The following DAP variants were observed in gnomAD, a reference collection of about 807,000 sequenced individuals.
DAP encodes death associated protein.
Under a neutral mutation model 13.8 loss-of-function variants are expected in DAP, and 8 were observed. The observed-to-expected ratio is 0.58, with a 90% CI of 0.34 to 1.05. The LOEUF (loss-of-function observed/expected upper bound fraction) is 1.05. Among genes scored for constraint, DAP ranks in the 50% least tolerant of loss-of-function variants. DAP has a pLI of 0.03. For synonymous variants in DAP, 47 were observed against 47.5 expected (o/e 0.99, Z 0.04); for missense variants, 106 against 133.2 (o/e 0.80, Z 1.01).
chr5:10,695,215 C>G (rs1204558971), intron 2 of DAP, among the ~76,000 whole-genome samples: 2 of 152,228 alleles, frequency 1.3e-5, no homozygotes. Flanking sequence ...GGCTTCAGCA[C>G]TGACAACATT....
At chr5:10,693,558 T>C (rs979367302) in intron 2 of DAP, among the ~76,000 whole-genome samples, 1 of 152,252 alleles carries the variant, frequency 6.6e-6, no homozygotes, top group Non-Finnish European at 1.5e-5. Context: ...AGGCAGGAAC[T>C]GTCCATTTCA....
At chr5:10,704,434 C>T (rs1242466001) in intron 2 of DAP, among the ~76,000 whole-genome samples, 3 of 152,124 alleles carry the variant, frequency 2.0e-5, no homozygotes, top group African/African-American at 7.2e-5. Context: ...ACTTTCCGCT[C>T]ACCACTTCCT....
chr5:10,715,783 C>A (rs924076311), intron 2 of DAP, among the ~76,000 whole-genome samples: 4 of 152,192 alleles, frequency 2.6e-5, no homozygotes, highest in South Asian at 2.1e-4. Context: ...ATCATTCATG[C>A]CCCCTGGCCC....
chr5:10,750,410 A>C (rs988683787), intron 1 of DAP, among the ~76,000 whole-genome samples: 2 of 152,228 alleles, frequency 1.3e-5, no homozygotes, highest in East Asian at 3.9e-4. Flanking sequence ...AAAAGGGCAA[A>C]AGAGAGCAAG....
chr5:10,709,847 G>C (rs1253239623), intron 2 of DAP, among the ~76,000 whole-genome samples: 1 of 152,232 alleles, frequency 6.6e-6, no homozygotes, highest in Non-Finnish European at 1.5e-5. Context: ...GGGCACTGCA[G>C]CCCTTCTTGT....
At chr5:10,749,346 A>C (rs186687794) in intron 1 of DAP, among the ~76,000 whole-genome samples, 2 of 152,230 alleles carry the variant, frequency 1.3e-5, no homozygotes, top group African/African-American at 4.8e-5. Flanking sequence ...CTGCCAGGCC[A>C]CATGGTGCCT....
intron 3 of DAP, chr5:10,683,049 T>C (rs1215532440): frequency 4.8e-6 from 1 of 208,862 alleles, no homozygotes; most frequent in Non-Finnish European, 9.6e-6. Flanking sequence ...CAACTGTGGG[T>C]GTGGCCAGGG....
chr5:10,694,452 G>A (rs1224154446), intron 2 of DAP, among the ~76,000 whole-genome samples: 1 of 152,058 alleles, frequency 6.6e-6, no homozygotes, highest in Admixed American at 6.5e-5. Flanking sequence ...AAACAGGGTC[G>A]AAACACAGTT....
intron 1 of DAP, among the ~76,000 whole-genome samples, chr5:10,759,744 CTTTTTTTTTTT>C (rs1169454640): frequency 3.4e-5 from 3 of 88,202 alleles, no homozygotes; most frequent in African/African-American, 4.5e-5. Context: ...TAATGGGAAT[CTTTTTTTTTTT>C]TTTTTTTTTT....
chr5:10,688,026 A>T (rs1161931863), intron 2 of DAP, among the ~76,000 whole-genome samples: 1 of 149,402 alleles, frequency 6.7e-6, no homozygotes, highest in Non-Finnish European at 1.5e-5. Context: ...AGTGATTCTC[A>T]TGCCTCAGCC....
At chr5:10,696,851 T>C (rs1738450062) in intron 2 of DAP, among the ~76,000 whole-genome samples, 1 of 152,154 alleles carries the variant, frequency 6.6e-6, no homozygotes, top group South Asian at 2.1e-4. Context: ...GGCGCAGGGT[T>C]TCAGGGCATT....
chr5:10,688,554 T>A (rs1357843634), intron 2 of DAP, among the ~76,000 whole-genome samples: 1 of 152,186 alleles, frequency 6.6e-6, no homozygotes. Context: ...GACCCTGCAA[T>A]ATCTCTGAGG....
At chr5:10,760,630 CT>C (rs1740318145) in intron 1 of DAP, among the ~76,000 whole-genome samples, 17 of 152,250 alleles carry the variant, frequency 1.1e-4, no homozygotes, top group Admixed American at 1.1e-3. Flanking sequence ...ACACCACTGA[CT>C]TTTCATTGCT....
At chr5:10,733,756 C>T (rs1364737135) in intron 2 of DAP, 1 of 152,144 alleles carries the variant, frequency 6.6e-6, no homozygotes, top group Non-Finnish European at 1.5e-5. Flanking sequence ...CCTTTTTTCA[C>T]CAACTGGAAA....
rs1458132305 is a variant in DAP, at chr5:10,707,521, GTGTGATGCATGGGTGC to G, written c.153-23966_153-23951del. Among the ~76,000 whole-genome samples the G allele has an allele frequency of 1.3e-5, 2 of 152,174 alleles. No homozygotes were observed. The highest frequency in any genetic ancestry group is 2.4e-5 in the African/African-American group (1 of 41,424). ...GCACAGGCAGTGTGATGCATAGGTG[GTGTGATGCATGGGTGC>G]TGTGATGCAGGGGTGGTGTGATTTG... On this transcript the variant is annotated intron_variant, in intron 2 of 3. Transcript: ENST00000230895. The surrounding 1 kb of genome is among the most constrained non-coding windows in gnomAD (Gnocchi z 4.0).
intron 2 of DAP, among the ~76,000 whole-genome samples, chr5:10,694,197 C>G (rs78405168): frequency 0.037 from 5,625 of 152,168 alleles, 139 homozygotes; most frequent in South Asian, 0.075. Flanking sequence ...CAGAACCACG[C>G]AAAGGAGGGA....
chr5:10,713,990 G>A (rs544584855), intron 2 of DAP, among the ~76,000 whole-genome samples: 3 of 152,208 alleles, frequency 2.0e-5, no homozygotes, highest in East Asian at 1.9e-4. Flanking sequence ...AAACTAGGCC[G>A]TGGGTTCTTT....
intron 2 of DAP, among the ~76,000 whole-genome samples, chr5:10,693,147 C>CAT (rs1453809433): frequency 7.0e-6 from 1 of 143,022 alleles, no homozygotes; most frequent in Admixed American, 6.9e-5. Flanking sequence ...CACACACACA[C>CAT]ACACACGTGC....
chr5:10,750,744 G>A (rs923314902), intron 1 of DAP, among the ~76,000 whole-genome samples: 5 of 152,054 alleles, frequency 3.3e-5, no homozygotes, highest in Non-Finnish European at 7.4e-5. Context: ...GTCTAATCCT[G>A]CTGTCTGTTT....
Sources: allele counts gnomAD v4.1 joint callset (sites outside exome capture counted in the v4.1 genomes callset), GRCh38; gene constraint gnomAD v4.1.1; non-coding constraint Gnocchi (gnomAD v3.1); transcripts MANE v1.5; gene names NCBI Gene and HGNC (gene_info 2026-07-23, HGNC 2026-07-21).